The following WASHC5 variants were observed in gnomAD, a reference collection of about 807,000 sequenced individuals.
WASHC5 encodes the protein WASH complex subunit strumpellin.
A neutral mutation model predicts 150.4 loss-of-function variants in WASHC5; 101 were observed. The observed-to-expected ratio is 0.67, with a 90% CI of 0.57 to 0.79. The LOEUF (loss-of-function observed/expected upper bound fraction) is 0.79, where lower values mean the gene tolerates loss of function less well. Among genes scored for constraint, WASHC5 ranks in the 30% least tolerant of loss-of-function variants. The pLI, the probability that WASHC5 is intolerant of heterozygous loss-of-function variation, is 0.00. For missense variants in WASHC5, 1,195 were observed against 1,396.3 expected (o/e 0.86, Z 2.30); for synonymous variants, 467 against 491.2 (o/e 0.95, Z 0.65).
chr8:125,034,959 T>C (rs1815655470), intron 26 of WASHC5, among the ~76,000 whole-genome samples: 3 of 152,218 alleles, frequency 2.0e-5, no homozygotes, highest in African/African-American at 7.2e-5. Context: ...GTTTACAAGG[T>C]TAAATAAATG....
chr8:125,047,147 A>G, intron 20 of WASHC5, 60 bp downstream of exon 20: 1 of 1,605,214 alleles, frequency 6.2e-7, no homozygotes, highest in Non-Finnish European at 8.5e-7. Context: ...CCACAGGGCC[A>G]CAGATGCAGA....
chr8:125,046,979 C>A (rs1169422769), intron 20 of WASHC5, among the ~76,000 whole-genome samples: 1 of 152,142 alleles, frequency 6.6e-6, no homozygotes, highest in Non-Finnish European at 1.5e-5. Flanking sequence ...GGTGGTAATG[C>A]TTGCTTGCCC....
chr8:125,069,180 G>A (rs1000924370), intron 9 of WASHC5, among the ~76,000 whole-genome samples: 7 of 152,180 alleles, frequency 4.6e-5, no homozygotes, highest in Non-Finnish European at 1.0e-4. Context: ...TTCCAACAGT[G>A]GCTTTGCTAT....
At chr8:125,073,755 C>T (rs762453306) in intron 8 of WASHC5, among the ~76,000 whole-genome samples, 6 of 152,228 alleles carry the variant, frequency 3.9e-5, no homozygotes, top group Non-Finnish European at 2.9e-5. Context: ...ACTTAGAATT[C>T]TGAGACTACA....
chr8:125,079,778 A>G (rs949591092), intron 5 of WASHC5, among the ~76,000 whole-genome samples: 3 of 152,184 alleles, frequency 2.0e-5, no homozygotes, highest in African/African-American at 7.2e-5. Flanking sequence ...TATTCCAGGC[A>G]AGTTTTGACT....
At chr8:125,082,538 T>C (rs1817294764) in intron 3 of WASHC5, 71 bp from the exon 4 acceptor site, 1 of 941,430 alleles carries the variant, frequency 1.1e-6, no homozygotes, top group Non-Finnish European at 1.7e-6. Flanking sequence ...GAAGGAAAGA[T>C]TTTTAAAAGA....
At chr8:125,054,068 G>A (rs745925269) in intron 17 of WASHC5, among the ~76,000 whole-genome samples, 9 of 152,080 alleles carry the variant, frequency 5.9e-5, no homozygotes, top group Non-Finnish European at 8.8e-5. Flanking sequence ...ATTGGTCTGC[G>A]GCCACTTGAA....
intron 23 of WASHC5, chr8:125,040,837 T>C (rs1815862971): frequency 6.6e-6 from 1 of 152,184 alleles, no homozygotes; most frequent in Non-Finnish European, 1.5e-5. Context: ...ATGTCTTTAT[T>C]ATGTGAGAAT....
intron 20 of WASHC5, 134 bp downstream of exon 20, chr8:125,047,073 G>A: frequency 9.3e-7 from 1 of 1,075,446 alleles, no homozygotes; most frequent in East Asian, 2.4e-5. Context: ...AGGGACCCTT[G>A]CCCTAAAGGG....
At chr8:125,076,268 C>T in intron 7 of WASHC5, 80 bp downstream of exon 7, 1 of 1,313,640 alleles carries the variant, frequency 7.6e-7, no homozygotes, top group African/African-American at 1.4e-5. Flanking sequence ...ACATTACAAC[C>T]TGTGGGTTAA....
intron 8 of WASHC5, among the ~76,000 whole-genome samples, chr8:125,074,129 T>A (rs1260026351): frequency 6.6e-6 from 1 of 152,206 alleles, no homozygotes; most frequent in Non-Finnish European, 1.5e-5. Flanking sequence ...ATTAACCTCA[T>A]CAAGTTAGTT....
At chr8:125,084,243 T>G (rs1322020287) in intron 1 of WASHC5, among the ~76,000 whole-genome samples, 1 of 152,222 alleles carries the variant, frequency 6.6e-6, no homozygotes, top group African/African-American at 2.4e-5. Context: ...TGTTAGTCAC[T>G]TCTCTTGAGA....
At chr8:125,069,737 T>A (rs1353878576) in intron 9 of WASHC5, among the ~76,000 whole-genome samples, 24 of 152,186 alleles carry the variant, frequency 1.6e-4, no homozygotes, top group Non-Finnish European at 2.9e-5. Flanking sequence ...TTGCCAGAAC[T>A]ATGTGGGAAG....
chr8:125,047,189 G>GAATTC lies in WASHC5; in HGVS notation c.2504+13_2504+17dup, dbSNP rs772426031. 3.7e-6 allele frequency: 6 copies of GAATTC among 1,613,704 alleles called. No individual in the cohort carries two copies. Among genetic ancestry groups the GAATTC allele is most frequent in the Non-Finnish European group, 5.1e-6 (6 of 1,179,800 alleles). ...TGCCTGCAGTATTCAGGGCTCTGTA[G>GAATTC]AATTCAGGTACACCTACTTTGGGTC... On this transcript the variant is annotated intron_variant, in intron 20 of 28. Transcript: ENST00000318410.
chr8:125,057,679 T>G lies in WASHC5; in HGVS notation c.1765-13A>C, dbSNP rs1432137582. 5 of 1,501,548 alleles carry G rather than the reference T, an allele frequency of 3.3e-6. No homozygotes were observed. The South Asian group carries it at 5.7e-5, about 17-fold the overall frequency. 93.0% of individuals were successfully genotyped at this position (1,501,548 alleles called of 1,614,324 possible). On this transcript the variant is annotated splice_polypyrimidine_tract_variant and intron_variant, in intron 14 of 28. Coordinates refer to ENST00000318410, the MANE Select transcript of WASHC5 (RefSeq NM_014846.4). ...GGGCAGAGGCAAGCTGGAAGAAAAA[T>G]AAGGTATATCTGTTTCTTGTTTCAA...
intron 24 of WASHC5, among the ~76,000 whole-genome samples, chr8:125,039,522 T>C (rs1815822406): frequency 6.6e-6 from 1 of 152,142 alleles, no homozygotes; most frequent in Non-Finnish European, 1.5e-5. Context: ...AATTCATTTG[T>C]TCAGCAGACA....
At chr8:125,061,844 G>A (rs142594806) in intron 11 of WASHC5, among the ~76,000 whole-genome samples, 1 of 152,328 alleles carries the variant, frequency 6.6e-6, no homozygotes, top group East Asian at 1.9e-4. Flanking sequence ...GCAATACAGG[G>A]AGGTGGAAAT....
chr8:125,067,498 G>C, intron 10 of WASHC5, 94 bp downstream of exon 10: 2 of 1,073,332 alleles, frequency 1.9e-6, no homozygotes, highest in Middle Eastern at 4.8e-4. Context: ...CCTTGAATCA[G>C]AGACAGAGCA....
rs138973964 is a variant in WASHC5 at position 125,030,489 on chromosome 8, C to T, written c.3335+1752G>A. ...GGAGGAGGAGCTGGCCTGACTGCAG[C>T]TCACGGGAAATAACGACATTGGGGT... On this transcript the variant is annotated intron_variant, in intron 27 of 28. Transcript: ENST00000318410. Among the ~76,000 whole-genome samples the T allele has an allele frequency of 8.5e-3, 1,297 of 152,108 alleles. 10 individuals carry two copies. The highest frequency in any genetic ancestry group is 0.014 in the Non-Finnish European group (978 of 68,000).
Sources: gnomAD v4.1 joint callset for allele counts (sites outside exome capture counted in the v4.1 genomes callset) on GRCh38, gnomAD v4.1.1 for gene constraint, MANE v1.5 for transcripts, NCBI Gene and HGNC (gene_info 2026-07-23, HGNC 2026-07-21) for gene names.